CSMD1: variants seen among roughly 807,000 people sequenced by gnomAD.
The protein encoded by CSMD1 is CUB and Sushi multiple domains 1.
A neutral mutation model predicts 417.5 loss-of-function variants in CSMD1; 213 were observed. That is an observed-to-expected ratio of 0.51 (90% confidence interval 0.46 to 0.57). CSMD1 has a LOEUF of 0.57. CSMD1 is among the 20% of genes least tolerant of loss of function. The pLI is 0.00. For synonymous variants in CSMD1, 2,862 were observed against 1,736.8 expected (o/e 1.65, Z -16.11); for missense variants, 6,923 against 4,529.7 (o/e 1.53, Z -15.17).
At chr8:4,125,282 A>AAT (rs1273432562) in intron 3 of CSMD1, among the ~76,000 whole-genome samples, 7 of 152,238 alleles carry the variant, frequency 4.6e-5, no homozygotes, top group African/African-American at 1.7e-4. Context: ...TCACTGAGAT[A>AAT]AATGCGAATC....
At chr8:4,189,779 A>G (rs1244437680) in intron 3 of CSMD1, among the ~76,000 whole-genome samples, 1 of 152,166 alleles carries the variant, frequency 6.6e-6, no homozygotes, top group Non-Finnish European at 1.5e-5. Context: ...CAGGCACACA[A>G]AGGATAATTT....
intron 3 of CSMD1, among the ~76,000 whole-genome samples, chr8:4,130,510 C>T (rs1803033985): frequency 6.6e-6 from 1 of 152,102 alleles, no homozygotes; most frequent in Non-Finnish European, 1.5e-5. Context: ...TGATTCTTGG[C>T]TTTCTGAAGT....
At chr8:4,568,139 T>G (rs920369791) in intron 2 of CSMD1, among the ~76,000 whole-genome samples, 1 of 152,212 alleles carries the variant, frequency 6.6e-6, no homozygotes, top group East Asian at 1.9e-4. Context: ...AGATGCTTTG[T>G]GTGTCTTTTT....
At chr8:3,387,985 T>C (rs1811115939) in intron 17 of CSMD1, among the ~76,000 whole-genome samples, 1 of 152,230 alleles carries the variant, frequency 6.6e-6, no homozygotes, top group African/African-American at 2.4e-5. Flanking sequence ...TGAATTGCAC[T>C]AAATAAAGTC....
At chr8:4,616,396 G>T (rs948501450) in intron 2 of CSMD1, among the ~76,000 whole-genome samples, 1 of 152,124 alleles carries the variant, frequency 6.6e-6, no homozygotes, top group Admixed American at 6.6e-5. Context: ...GCAAATCGTG[G>T]CCTCCAATAT....
chr8:4,257,317 T>C (rs1048919328), intron 3 of CSMD1, among the ~76,000 whole-genome samples: 1 of 152,176 alleles, frequency 6.6e-6, no homozygotes, highest in South Asian at 2.1e-4. Context: ...CAGTTTTAAA[T>C]GATAACTATT....
chr8:3,565,173 GAA>G (rs1799647918), intron 10 of CSMD1, among the ~76,000 whole-genome samples: 1 of 22,874 alleles, frequency 4.4e-5, no homozygotes, highest in Non-Finnish European at 8.6e-5. Flanking sequence ...GAGAGATCAA[GAA>G]AGAAAGAAAG....
At chr8:3,942,934 T>A (rs1810980629) in intron 5 of CSMD1, among the ~76,000 whole-genome samples, 1 of 152,162 alleles carries the variant, frequency 6.6e-6, no homozygotes, top group Admixed American at 6.6e-5. Context: ...TAAAAAATAC[T>A]GGCACGACAA....
At chr8:3,573,382 T>C (rs1041659587) in intron 10 of CSMD1, among the ~76,000 whole-genome samples, 2 of 152,196 alleles carry the variant, frequency 1.3e-5, no homozygotes, top group African/African-American at 4.8e-5. Flanking sequence ...ACAAGGTTTG[T>C]ACCACTGTAG....
chr8:4,854,367 A>C (rs1336235353), intron 1 of CSMD1, among the ~76,000 whole-genome samples: 2 of 152,096 alleles, frequency 1.3e-5, no homozygotes, highest in African/African-American at 4.8e-5. Context: ...TTGAATTCTC[A>C]AAGGATTTGG....
intron 2 of CSMD1, among the ~76,000 whole-genome samples, chr8:4,612,362 A>C (rs1801224471): frequency 6.6e-6 from 1 of 152,104 alleles, no homozygotes; most frequent in South Asian, 2.1e-4. Flanking sequence ...AAAAAAAACA[A>C]GAGGAATGGT....
chr8:4,491,277 T>C (rs754898196), intron 2 of CSMD1, among the ~76,000 whole-genome samples: 1 of 152,170 alleles, frequency 6.6e-6, no homozygotes, highest in African/African-American at 2.4e-5. Context: ...TCACGGAAGA[T>C]CCCAAGAGGA....
chr8:3,859,855 A>G (rs1413744231), intron 5 of CSMD1, among the ~76,000 whole-genome samples: 1 of 152,188 alleles, frequency 6.6e-6, no homozygotes, highest in Non-Finnish European at 1.5e-5. Flanking sequence ...CCTCCTGGGT[A>G]CAGCCTCAGG....
chr8:4,002,473 T>C (rs1815764789), intron 4 of CSMD1, among the ~76,000 whole-genome samples: 2 of 152,186 alleles, frequency 1.3e-5, no homozygotes, highest in Admixed American at 6.5e-5. Flanking sequence ...CTTAGATCTA[T>C]GAAGCTCTAC....
Position 4,025,174 on chromosome 8 carries a change from G to A in CSMD1, c.610+6731C>T, listed in dbSNP as rs143834303. Among the ~76,000 whole-genome samples, 47 of 152,348 alleles carry A rather than the reference G, an allele frequency of 3.1e-4. 1 individual carries two copies. Among genetic ancestry groups the A allele is most frequent in the African/African-American group, 9.4e-4 (39 of 41,588 alleles). On this transcript the variant is annotated intron_variant, in intron 4 of 69. Coordinates refer to ENST00000635120, the MANE Select transcript of CSMD1 (RefSeq NM_033225.6). ...TGGATGTGAGCTCCTGTGAAGAAAT[G>A]CACCCCCTCCTGGGGGAGTGTTCTG...
intron 15 of CSMD1, among the ~76,000 whole-genome samples, chr8:3,402,859 T>A (rs538507482): frequency 1.3e-4 from 20 of 152,236 alleles, no homozygotes; most frequent in Non-Finnish European, 2.4e-4. Context: ...ATCTTATTAT[T>A]AAATTTCTTT....
At chr8:3,456,933 G>A (rs934892690) in intron 12 of CSMD1, among the ~76,000 whole-genome samples, 1 of 151,898 alleles carries the variant, frequency 6.6e-6, no homozygotes, top group Non-Finnish European at 1.5e-5. Context: ...GAGCCCTCCT[G>A]CTGCACTGTC....
intron 54 of CSMD1, among the ~76,000 whole-genome samples, chr8:2,995,020 C>A (rs542195196): frequency 6.6e-6 from 1 of 152,242 alleles, no homozygotes; most frequent in African/African-American, 2.4e-5. Context: ...TTAGACTTGA[C>A]ATCAATACCA....
At chr8:3,906,095 A>T (rs528567315) in intron 5 of CSMD1, among the ~76,000 whole-genome samples, 1 of 152,256 alleles carries the variant, frequency 6.6e-6, no homozygotes, top group East Asian at 1.9e-4. Context: ...CCTTCCCATG[A>T]TGCTAACCTC....
Sources: gnomAD v4.1 joint callset for allele counts (sites outside exome capture counted in the v4.1 genomes callset) on GRCh38, gnomAD v4.1.1 for gene constraint, MANE v1.5 for transcripts, NCBI Gene and HGNC (gene_info 2026-07-23, HGNC 2026-07-21) for gene names.